The following KIAA1217 variants were observed in gnomAD, a reference collection of about 807,000 sequenced individuals.
KIAA1217 encodes the protein sickle tail protein homolog.
A neutral mutation model predicts 163.9 loss-of-function variants in KIAA1217; 88 were observed. That is an observed-to-expected ratio of 0.54 (90% confidence interval 0.45 to 0.64). The LOEUF is 0.64. KIAA1217 is among the 30% of genes least tolerant of loss of function. The pLI is 0.00. For synonymous variants in KIAA1217, 903 were observed against 923.1 expected, an observed-to-expected ratio of 0.98 and a Z score of 0.39; for missense variants, 2,372 against 2,475.0, an observed-to-expected ratio of 0.96 and a Z score of 0.88.
chr10:23,872,551 T>C (rs1812783466), intron 1 of KIAA1217, among the ~76,000 whole-genome samples: 1 of 152,072 alleles, frequency 6.6e-6, no homozygotes, highest in Non-Finnish European at 1.5e-5. Flanking sequence ...CTCCACTAGC[T>C]GGTGTTCACA....
At chr10:24,301,757 C>T (rs773879524) in intron 2 of KIAA1217, among the ~76,000 whole-genome samples, 42 of 152,068 alleles carry the variant, frequency 2.8e-4, no homozygotes, top group African/African-American at 6.5e-4. Context: ...TTTTTTAGAA[C>T]GGGTTGGCCA....
chr10:23,763,414 C>CAT (rs1834359809), intron 1 of KIAA1217, among the ~76,000 whole-genome samples: 1 of 152,080 alleles, frequency 6.6e-6, no homozygotes, highest in South Asian at 2.1e-4. Context: ...CCAAGACAGG[C>CAT]ATATAGACCA....
intron 2 of KIAA1217, among the ~76,000 whole-genome samples, chr10:24,134,303 A>G (rs1182722001): frequency 6.6e-6 from 1 of 152,198 alleles, no homozygotes; most frequent in Non-Finnish European, 1.5e-5. Context: ...AGAAAAACAT[A>G]GCAGATGCAG....
At chr10:24,279,013 C>G (rs1290818657) in intron 2 of KIAA1217, among the ~76,000 whole-genome samples, 2 of 151,554 alleles carry the variant, frequency 1.3e-5, no homozygotes, top group African/African-American at 4.9e-5. Flanking sequence ...CGGGCCACCA[C>G]TAATTTTTGT....
intron 2 of KIAA1217, among the ~76,000 whole-genome samples, chr10:24,045,512 C>T (rs1411837810): frequency 6.6e-6 from 1 of 151,984 alleles, no homozygotes; most frequent in African/African-American, 2.4e-5. Context: ...TTTTCTGATA[C>T]TCATCTTTCC....
At position 24,543,257 on chromosome 10, in the gene KIAA1217, C is replaced by A. The variant is rs747875827; in HGVS notation, c.3987C>A (p.Ser1329Arg). 2 of 1,613,550 alleles carry A rather than the reference C, an allele frequency of 1.2e-6. No homozygotes were observed. Among genetic ancestry groups the A allele is most frequent in the Non-Finnish European group, 1.7e-6 (2 of 1,179,996 alleles). Reference sequence around the variant, plus strand: ...CTCACACTAGACTAACAGAATCAAGCGTGCATGATTTTAAAACAGAAGATC... The same window carrying A: ...CTCACACTAGACTAACAGAATCAAGAGTGCATGATTTTAAAACAGAAGATC... ...VSSHTRLTES[S>R]VHDFKTEDQE... Residue 1329 changes from serine to arginine, a missense_variant, in exon 19 of 21, where the codon AGC becomes AGA. This residue lies in a region of KIAA1217 where 251 missense variants were observed against 327.3 expected (regional missense o/e 0.77). Coordinates refer to ENST00000376454, the MANE Select transcript of KIAA1217 (RefSeq NM_019590.5).
chr10:24,452,228 C>T (rs1200569619), intron 5 of KIAA1217, among the ~76,000 whole-genome samples: 9 of 152,142 alleles, frequency 5.9e-5, no homozygotes, highest in Non-Finnish European at 1.3e-4. Context: ...GATACTCTGT[C>T]CGCTTTTGAG....
intron 2 of KIAA1217, among the ~76,000 whole-genome samples, chr10:24,373,814 G>A (rs750834709): frequency 6.6e-6 from 1 of 152,242 alleles, no homozygotes; most frequent in African/African-American, 2.4e-5. Context: ...CACAGAGGAT[G>A]CCTCAGTGCA....
At chr10:24,436,775 A>AC (rs2060077711) in intron 4 of KIAA1217, among the ~76,000 whole-genome samples, 2 of 151,190 alleles carry the variant, frequency 1.3e-5, no homozygotes, top group African/African-American at 4.9e-5. Context: ...AAAAAAAAAA[A>AC]AAAAAAAAAG....
chr10:24,511,895 G>A (rs1327496805), intron 9 of KIAA1217, among the ~76,000 whole-genome samples: 1 of 152,170 alleles, frequency 6.6e-6, no homozygotes, highest in Admixed American at 6.5e-5. Context: ...ATTGGTGCCA[G>A]ACACTTTATT....
At chr10:23,713,990 G>A (rs1298223966) in intron 1 of KIAA1217, among the ~76,000 whole-genome samples, 1 of 152,044 alleles carries the variant, frequency 6.6e-6, no homozygotes, top group Non-Finnish European at 1.5e-5. Flanking sequence ...CCTTTAATAT[G>A]TGCAAATCTG....
At chr10:24,050,274 T>G (rs905080309) in intron 2 of KIAA1217, among the ~76,000 whole-genome samples, 1 of 152,206 alleles carries the variant, frequency 6.6e-6, no homozygotes, top group Non-Finnish European at 1.5e-5. Context: ...ACTCTGATGA[T>G]AGTTTCTTTT....
At chr10:23,955,541 A>T (rs999756328) in intron 1 of KIAA1217, among the ~76,000 whole-genome samples, 2 of 152,144 alleles carry the variant, frequency 1.3e-5, no homozygotes, top group African/African-American at 4.8e-5. Flanking sequence ...AATTTCTCCC[A>T]GTGTAAAGGA....
chr10:24,259,202 G>A (rs899445045), intron 2 of KIAA1217, among the ~76,000 whole-genome samples: 1 of 152,056 alleles, frequency 6.6e-6, no homozygotes, highest in Non-Finnish European at 1.5e-5. Flanking sequence ...TACTCAAGTA[G>A]GAAAGGGGAG....
chr10:24,487,117 C>G (rs1014685571), intron 6 of KIAA1217, among the ~76,000 whole-genome samples: 1 of 152,344 alleles, frequency 6.6e-6, no homozygotes, highest in Non-Finnish European at 1.5e-5. Flanking sequence ...ACACTGCTCC[C>G]TTCTCCTTCT....
chr10:24,076,271 G>A (rs958196436), intron 2 of KIAA1217, among the ~76,000 whole-genome samples: 2 of 152,194 alleles, frequency 1.3e-5, no homozygotes, highest in Non-Finnish European at 1.5e-5. Context: ...AATACTGAAC[G>A]CTCAGTATCT....
At chr10:24,279,313 T>C (rs1340429594) in intron 2 of KIAA1217, among the ~76,000 whole-genome samples, 1 of 152,028 alleles carries the variant, frequency 6.6e-6, no homozygotes, top group Non-Finnish European at 1.5e-5. Context: ...CAGAGGCTAT[T>C]GTGTCCTTTG....
intron 5 of KIAA1217, among the ~76,000 whole-genome samples, chr10:24,444,555 C>G (rs181741003): frequency 1.3e-5 from 2 of 152,308 alleles, no homozygotes; most frequent in Admixed American, 1.3e-4. Context: ...CCTCCAAAAA[C>G]CAGTCATGGC....
At chr10:24,485,265 G>A (rs552114935) in intron 6 of KIAA1217, among the ~76,000 whole-genome samples, 6 of 152,084 alleles carry the variant, frequency 3.9e-5, no homozygotes, top group Non-Finnish European at 8.8e-5. Flanking sequence ...TTTAACAAGG[G>A]GTAGGGGCCT....
Sources: gnomAD v4.1 joint callset for allele counts (sites outside exome capture counted in the v4.1 genomes callset) on GRCh38, gnomAD v4.1.1 for gene constraint, gnomAD v4.1.1 regional missense constraint, MANE v1.5 for transcripts, NCBI Gene and HGNC (gene_info 2026-07-23, HGNC 2026-07-21) for gene names.